ARB2A: variants seen among roughly 807,000 people sequenced by gnomAD.
ARB2A encodes ARB2 cotranscriptional regulator A.
At chr5:94,035,714 G>C in the ARB2A span, among the ~76,000 whole-genome samples, 1 of 152,104 alleles carries the variant, frequency 6.6e-6, no homozygotes, top group African/African-American at 2.4e-5. Flanking sequence ...CAGGGACACG[G>C]GTAAAGCTGG....
chr5:94,109,493 A>G, the ARB2A span, among the ~76,000 whole-genome samples: 1 of 152,246 alleles, frequency 6.6e-6, no homozygotes. Context: ...TTAGAGCTCA[A>G]TGAAGAGCAC....
the ARB2A span, among the ~76,000 whole-genome samples, chr5:93,997,965 C>G: frequency 1.3e-5 from 2 of 151,730 alleles, no homozygotes; most frequent in Non-Finnish European, 2.9e-5. Flanking sequence ...CACAAATGCA[C>G]CCAAAAAGAT....
the ARB2A span, among the ~76,000 whole-genome samples, chr5:94,006,832 G>A: frequency 3.6e-4 from 55 of 152,002 alleles, 1 homozygote; most frequent in South Asian, 2.7e-3. Context: ...TAAAGCTTTC[G>A]GAGCAACAGC....
the ARB2A span, among the ~76,000 whole-genome samples, chr5:93,951,019 A>AT: frequency 2.0e-5 from 3 of 152,104 alleles, no homozygotes; most frequent in East Asian, 5.8e-4. Flanking sequence ...AATAAAAGCC[A>AT]TTTTAACTGG....
the ARB2A span, among the ~76,000 whole-genome samples, chr5:93,684,879 T>A: frequency 6.6e-6 from 1 of 152,226 alleles, no homozygotes; most frequent in Non-Finnish European, 1.5e-5. Context: ...GATATTTAAC[T>A]ACTTTATCTT....
chr5:93,833,784 T>C, the ARB2A span, among the ~76,000 whole-genome samples: 1 of 152,182 alleles, frequency 6.6e-6, no homozygotes, highest in African/African-American at 2.4e-5. Context: ...CTTCTTAGGG[T>C]GAATTATCAT....
chr5:93,983,688 A>G, the ARB2A span, among the ~76,000 whole-genome samples: 2 of 152,194 alleles, frequency 1.3e-5, no homozygotes, highest in African/African-American at 4.8e-5. Context: ...AGAGAAAAAT[A>G]ATAGTACTTT....
At chr5:93,787,504 C>G in the ARB2A span, among the ~76,000 whole-genome samples, 2 of 152,132 alleles carry the variant, frequency 1.3e-5, no homozygotes, top group Non-Finnish European at 2.9e-5. Context: ...ATTTTACTCT[C>G]AAATAATATG....
the ARB2A span, among the ~76,000 whole-genome samples, chr5:93,783,046 C>G: frequency 6.6e-6 from 1 of 151,986 alleles, no homozygotes; most frequent in Non-Finnish European, 1.5e-5. Flanking sequence ...AAAGGAACAC[C>G]TAATCCAGCC....
chr5:93,704,629 A>C, the ARB2A span, among the ~76,000 whole-genome samples: 2 of 152,172 alleles, frequency 1.3e-5, no homozygotes, highest in East Asian at 3.9e-4. Flanking sequence ...CCCTGGCATC[A>C]CTGATTCTCT....
chr5:93,645,338 C>T, the ARB2A span, among the ~76,000 whole-genome samples: 1 of 152,022 alleles, frequency 6.6e-6, no homozygotes, highest in Admixed American at 6.6e-5. Context: ...CTTTGGGAGG[C>T]CAAGGCAGGC....
the ARB2A span, among the ~76,000 whole-genome samples, chr5:93,911,995 C>T: frequency 6.6e-6 from 1 of 151,694 alleles, no homozygotes; most frequent in Non-Finnish European, 1.5e-5. Flanking sequence ...TATATGAACA[C>T]TTCAGCTGTT....
chr5:93,627,450 T>TTTG, the ARB2A span, among the ~76,000 whole-genome samples: 1 of 149,274 alleles, frequency 6.7e-6, no homozygotes, highest in African/African-American at 2.5e-5. Flanking sequence ...TTTGTTTTTT[T>TTTG]TTTTTTTTTT....
the ARB2A span, among the ~76,000 whole-genome samples, chr5:93,732,666 T>C: frequency 5.9e-5 from 9 of 152,012 alleles, no homozygotes; most frequent in African/African-American, 9.7e-5. Flanking sequence ...ATTTAGATAA[T>C]TGCCTTTCTT....
the ARB2A span, among the ~76,000 whole-genome samples, chr5:93,783,981 G>A: frequency 6.6e-6 from 1 of 152,228 alleles, no homozygotes; most frequent in African/African-American, 2.4e-5. Flanking sequence ...CATACTGACT[G>A]CCTTTTCAAG....
chr5:93,829,941 G>C, the ARB2A span, among the ~76,000 whole-genome samples: 1 of 152,114 alleles, frequency 6.6e-6, no homozygotes, highest in Non-Finnish European at 1.5e-5. Context: ...TTACACAAGT[G>C]TGTTCTTTAT....
At chr5:93,922,664 AAGGGAGGGAGGG>A in the ARB2A span, among the ~76,000 whole-genome samples, 2 of 31,784 alleles carry the variant, frequency 6.3e-5, no homozygotes, top group South Asian at 2.2e-3. Flanking sequence ...GGGAGGGAGG[AAGGGAGGGAGGG>A]AGGGAGGGAG....
chr5:93,742,114 T>C, the ARB2A span, among the ~76,000 whole-genome samples: 1 of 152,108 alleles, frequency 6.6e-6, no homozygotes, highest in Non-Finnish European at 1.5e-5. Context: ...CTGCTTGAGT[T>C]TCTAGTTAAC....
chr5:93,897,356 T>A, the ARB2A span, among the ~76,000 whole-genome samples: 1,784 of 152,014 alleles, frequency 0.012, 38 homozygotes, highest in African/African-American at 0.041. Context: ...ATGGTATAAT[T>A]TATAAAGTCC....
Sources: gnomAD v4.1 joint callset for allele counts (sites outside exome capture counted in the v4.1 genomes callset) on GRCh38, gnomAD v4.1.1 for gene constraint, MANE v1.5 for transcripts, NCBI Gene and HGNC (gene_info 2026-07-23, HGNC 2026-07-21) for gene names.